Variants in PTPN9 observed in about 807,000 individuals in gnomAD.
The protein encoded by PTPN9 is tyrosine-protein phosphatase non-receptor type 9.
In PTPN9, 26 loss-of-function variants were observed where a neutral mutation model predicts 69.8. The ratio of observed to expected loss-of-function variants is 0.37; its 90% CI spans 0.27 to 0.52. The LOEUF is 0.52. Among genes scored for constraint, PTPN9 ranks in the 20% least tolerant of loss-of-function variants. PTPN9 has a pLI of 0.91. For missense variants in PTPN9, 549 were observed against 740.3 expected, an observed-to-expected ratio of 0.74 and a Z score of 3.00; for synonymous variants, 274 against 272.5, an observed-to-expected ratio of 1.01 and a Z score of -0.05.
intron 1 of PTPN9, among the ~76,000 whole-genome samples, chr15:75,552,034 T>G (rs2075058418): frequency 6.9e-6 from 1 of 144,542 alleles, no homozygotes; most frequent in Non-Finnish European, 1.5e-5. Flanking sequence ...AGAGTGAGAC[T>G]CCATCTCAAA....
intron 1 of PTPN9, among the ~76,000 whole-genome samples, chr15:75,568,593 G>A (rs2075136273): frequency 6.6e-6 from 1 of 151,698 alleles, no homozygotes; most frequent in Non-Finnish European, 1.5e-5. Context: ...CTAGCACTTT[G>A]GGAGGCCGAG....
intron 1 of PTPN9, among the ~76,000 whole-genome samples, chr15:75,537,443 TAAAAAAAA>T (rs71140168): frequency 9.8e-5 from 2 of 20,350 alleles, no homozygotes; most frequent in Admixed American, 7.7e-4. Flanking sequence ...ATATCTTCCC[TAAAAAAAA>T]AAAAAAAAAA....
intron 1 of PTPN9, among the ~76,000 whole-genome samples, chr15:75,552,492 T>C (rs1340442111): frequency 6.6e-6 from 1 of 152,068 alleles, no homozygotes; most frequent in African/African-American, 2.4e-5. Context: ...AACCATTTTG[T>C]TTTTCACTTT....
rs769810143 is a variant in PTPN9 at position 75,468,439 on chromosome 15, A to G, written c.*330T>C. ...GGAGACAGGAGACCTCAGAAAAAGAATGGCGGGAGAAAGGAGGAGGGAGGT... is the reference window on the plus strand; with the variant it reads ...GGAGACAGGAGACCTCAGAAAAAGAGTGGCGGGAGAAAGGAGGAGGGAGGT... On this transcript the variant is annotated 3_prime_UTR_variant, in exon 13 of 13. Coordinates refer to ENST00000618819, the MANE Select transcript of PTPN9 (RefSeq NM_002833.4). 4.8e-6 allele frequency: 1 copy of G among 207,962 alleles called. No individual in the cohort carries two copies. Among genetic ancestry groups the G allele is most frequent in the Non-Finnish European group, 9.8e-6 (1 of 101,888 alleles). The allele number at this position is 207,962 out of a possible 1,614,324, so 12.9% of individuals were successfully genotyped here. A position where few individuals can be genotyped will look rare whatever the true frequency, so the allele number is the denominator to read the frequency against.
At chr15:75,563,768 A>G (rs1352157790) in intron 1 of PTPN9, among the ~76,000 whole-genome samples, 1 of 152,186 alleles carries the variant, frequency 6.6e-6, no homozygotes, top group Non-Finnish European at 1.5e-5. Context: ...CAGGTACTCT[A>G]TAGTTTAATA....
chr15:75,536,358 T>TA (rs2074982327), intron 1 of PTPN9, among the ~76,000 whole-genome samples: 1 of 152,204 alleles, frequency 6.6e-6, no homozygotes, highest in African/African-American at 2.4e-5. Flanking sequence ...CCAAGCAGTT[T>TA]ACAATCATTT....
At chr15:75,574,861 G>A (rs1164552413) in intron 1 of PTPN9, among the ~76,000 whole-genome samples, 2 of 144,386 alleles carry the variant, frequency 1.4e-5, no homozygotes, top group African/African-American at 2.5e-5. Flanking sequence ...AGAATTGCTC[G>A]AACCCGGGAG....
At chr15:75,573,464 C>T (rs1459587802) in intron 1 of PTPN9, among the ~76,000 whole-genome samples, 5 of 152,104 alleles carry the variant, frequency 3.3e-5, no homozygotes, top group African/African-American at 1.2e-4. Flanking sequence ...GATTTGTATC[C>T]GTTCAACACA....
At chr15:75,535,102 T>C (rs2074977517) in intron 1 of PTPN9, among the ~76,000 whole-genome samples, 1 of 151,690 alleles carries the variant, frequency 6.6e-6, no homozygotes, top group Non-Finnish European at 1.5e-5. Context: ...GTTCACGCCA[T>C]TCTCCTGCCT....
intron 1 of PTPN9, among the ~76,000 whole-genome samples, chr15:75,537,746 T>G (rs1460055339): frequency 9.7e-5 from 2 of 20,612 alleles, no homozygotes. Context: ...AGAGGGAGAC[T>G]CCATCTCAAA....
rs1403071218 is a variant in PTPN9, at chr15:75,463,475, T to C, written c.*5294A>G. On this transcript the variant is annotated 3_prime_UTR_variant, in exon 13 of 13. Coordinates refer to ENST00000618819, the MANE Select transcript of PTPN9 (RefSeq NM_002833.4). ...TGAGCCTGGAGTCTGAGAGGGGCAC[T>C]GTACCGTTTTTTCCAACACCCCCAG... 6.6e-6 allele frequency: 1 copy of C among 152,184 alleles called. No individual in the cohort carries two copies. The highest frequency in any genetic ancestry group is 1.5e-5 in the Non-Finnish European group (1 of 68,054). The allele number at this position is 152,184 out of a possible 1,614,324, so 9.4% of individuals were successfully genotyped here.
intron 1 of PTPN9, among the ~76,000 whole-genome samples, chr15:75,552,039 C>T (rs1277356864): frequency 2.1e-5 from 3 of 145,048 alleles, no homozygotes; most frequent in Non-Finnish European, 4.5e-5. Flanking sequence ...GAGACTCCAT[C>T]TCAAAAAAAA....
rs544515834 is a variant in PTPN9 at position 75,465,264 on chromosome 15, C to T, written c.*3505G>A. 1.6e-4 allele frequency: 24 copies of T among 152,160 alleles called. No homozygotes were observed. Among genetic ancestry groups the T allele is most frequent in the African/African-American group, 5.5e-4 (23 of 41,500 alleles). 9.4% of individuals were successfully genotyped at this position (152,160 alleles called of 1,614,324 possible). On this transcript the variant is annotated 3_prime_UTR_variant, in exon 13 of 13. Coordinates refer to ENST00000618819, the MANE Select transcript of PTPN9 (RefSeq NM_002833.4). ...GATTACAAGCACATACCACCACACC[C>T]GGGTAATTTTTATATTTTTAGTAGA...
chr15:75,532,878 T>C (rs1008039642), intron 1 of PTPN9, among the ~76,000 whole-genome samples: 5 of 152,218 alleles, frequency 3.3e-5, no homozygotes, highest in Admixed American at 2.6e-4. Context: ...TGCTTACACA[T>C]AGGTTTAACA....
intron 1 of PTPN9, among the ~76,000 whole-genome samples, chr15:75,540,071 T>C (rs1272350957): frequency 2.6e-5 from 4 of 152,204 alleles, no homozygotes; most frequent in Non-Finnish European, 4.4e-5. Flanking sequence ...TATAAAGGTA[T>C]CATTAAAAAA....
chr15:75,498,083 C>T (rs1448825552), intron 7 of PTPN9, among the ~76,000 whole-genome samples: 1 of 151,522 alleles, frequency 6.6e-6, no homozygotes, highest in Admixed American at 6.6e-5. Flanking sequence ...GTAATCCCAG[C>T]TACTTGGGAG....
At chr15:75,501,395 G>A (rs1288812950) in intron 7 of PTPN9, among the ~76,000 whole-genome samples, 6 of 151,180 alleles carry the variant, frequency 4.0e-5, no homozygotes, top group Admixed American at 3.9e-4. Context: ...GGAATATGAG[G>A]CTGGGACCCA....
intron 8 of PTPN9, among the ~76,000 whole-genome samples, chr15:75,483,467 T>C (rs1287764256): frequency 6.6e-6 from 1 of 152,158 alleles, no homozygotes; most frequent in Non-Finnish European, 1.5e-5. Context: ...CACAAAAAGC[T>C]ACATAGTCTA....
intron 1 of PTPN9, among the ~76,000 whole-genome samples, chr15:75,561,847 T>C (rs544384176): frequency 2.8e-4 from 43 of 152,088 alleles, no homozygotes; most frequent in Non-Finnish European, 5.9e-4. Flanking sequence ...GTAGCTGGGA[T>C]TACAGGCATG....
Sources: gnomAD v4.1 joint callset for allele counts (sites outside exome capture counted in the v4.1 genomes callset) on GRCh38, gnomAD v4.1.1 for gene constraint, MANE v1.5 for transcripts, NCBI Gene and HGNC (gene_info 2026-07-23, HGNC 2026-07-21) for gene names.